Variants in KHSRP observed in about 807,000 individuals in gnomAD.
KHSRP encodes the protein KH-type splicing regulatory protein, also known as far upstream element-binding protein 2.
Under a neutral mutation model 94.9 loss-of-function variants are expected in KHSRP, and 13 were observed. The ratio of observed to expected loss-of-function variants is 0.14; its 90% confidence interval spans 0.09 to 0.22. The LOEUF is 0.22. Ranked by LOEUF, KHSRP falls within the 10% of genes least tolerant of loss-of-function variation. The pLI, the probability that KHSRP is intolerant of heterozygous loss-of-function variation, is 1.00. For missense variants in KHSRP, 710 were observed against 1,010.0 expected, an observed-to-expected ratio of 0.70 and a Z score of 4.03; for synonymous variants, 495 against 401.4, an observed-to-expected ratio of 1.23 and a Z score of -2.79.
At position 6,415,697 on chromosome 19, in the gene KHSRP, C is replaced by T. The variant is rs751474510; in HGVS notation, c.1725G>A (p.Ala575=). The part of the protein sequence containing the change: ...AAAAAADPNA[A]WAAYYSHYYQ... ...AGTAGTGTGAGTAGTAGGCGGCCCA[C>T]GCGGCGTTGGGGTCCGCGGCCGCTG... The change falls in exon 17 of 19, where the codon GCG becomes GCA. Residue 575 remains alanine, a synonymous_variant. Coordinates refer to ENST00000600480, the MANE Select transcript of KHSRP (RefSeq NM_001366299.1). The T allele has an allele frequency of 1.6e-5, 25 of 1,548,594 alleles. No homozygotes were observed. Among genetic ancestry groups the T allele is most frequent in the Middle Eastern group, 1.7e-4 (1 of 5,810 alleles).
At position 6,414,801 on chromosome 19, in the gene KHSRP, G is replaced by A. The variant is rs567399619; in HGVS notation, c.*223C>T. The A allele has an allele frequency of 1.2e-4, 142 of 1,165,616 alleles. No homozygotes were observed. The Admixed American group carries it at 3.3e-3, about 27-fold the overall frequency. The allele number at this position is 1,165,616 out of a possible 1,614,324, so 72.2% of individuals were successfully genotyped here. A position where few individuals can be genotyped will look rare whatever the true frequency, so the allele number is the denominator to read the frequency against. ...TGAGCGAGGTGGTGGCGGCCGGGCC[G>A]GTGCCCACCGTCCGCGCTGTCTGCC... On this transcript the variant is annotated 3_prime_UTR_variant, in exon 19 of 19. Coordinates refer to ENST00000600480, the MANE Select transcript of KHSRP (RefSeq NM_001366299.1).
chr19:6,421,814 C>T, intron 2 of KHSRP, 126 bp from the exon 3 acceptor site: 1 of 1,045,808 alleles, frequency 9.6e-7, no homozygotes, highest in Non-Finnish European at 1.4e-6. Context: ...GGAGCTGAGA[C>T]AGGAGCCCAG....
rs745602294 is a variant in KHSRP at position 6,415,212 on chromosome 19, CCTG to C, written c.2053_2055del (p.Gln685del). The C allele has an allele frequency of 6.2e-7, 1 of 1,612,366 alleles. No homozygotes were observed. Among genetic ancestry groups the C allele is most frequent in the Non-Finnish European group, 8.5e-7 (1 of 1,179,822 alleles). On this transcript the variant is annotated inframe_deletion, in exon 19 of 19. Coordinates refer to ENST00000600480, the MANE Select transcript of KHSRP (RefSeq NM_001366299.1). ...CCTGGGGTCTGTCCGTAGTAAGCGG[CCTG>C]CTGTCTGTAATATTCCGCCCAGGCG...
At position 6,420,407 on chromosome 19, in the gene KHSRP, GTGA is replaced by G; in HGVS notation, c.475+12_475+14del. ...GGAAGAGTGGGCCTCCCCACCCAAG[GTGA>G]CCCACACTCACTCAGGCCCACCATG... is the stretch of plus-strand genomic sequence containing the variant. On this transcript the variant is annotated intron_variant, in intron 5 of 18. Coordinates refer to ENST00000600480, the MANE Select transcript of KHSRP (RefSeq NM_001366299.1). The G allele has an allele frequency of 6.2e-7, 1 of 1,613,408 alleles. No individual in the cohort carries two copies. Among genetic ancestry groups the G allele is most frequent in the Non-Finnish European group, 8.5e-7 (1 of 1,179,508 alleles).
intron 15 of KHSRP, among the ~76,000 whole-genome samples, 200 bp downstream of exon 15, chr19:6,416,098 A>G (rs1406700402): frequency 6.6e-6 from 1 of 152,214 alleles, no homozygotes; most frequent in Non-Finnish European, 1.5e-5. Context: ...AAGCCGCGAA[A>G]CTTGCACGTG....
At position 6,414,313 on chromosome 19, in the gene KHSRP, A is replaced by G; in HGVS notation, c.*711T>C. 6.4e-6 allele frequency: 9 copies of G among 1,398,396 alleles called. No individual in the cohort carries two copies. Among genetic ancestry groups the G allele is most frequent in the Non-Finnish European group, 8.4e-6 (9 of 1,070,058 alleles). The allele number at this position is 1,398,396 out of a possible 1,614,324, so 86.6% of individuals were successfully genotyped here. A position where few individuals can be genotyped will look rare whatever the true frequency, so the allele number is the denominator to read the frequency against. On this transcript the variant is annotated 3_prime_UTR_variant, in exon 19 of 19. Transcript: ENST00000600480. The stretch of plus-strand genomic sequence containing the variant: ...GGTGCTCGCGGGACTCGCTGAAGTC[A>G]CGCTGCTCCCTGATGGAGAAGGAGG...
At chr19:6,420,244 G>T in intron 5 of KHSRP, 100 bp from the exon 6 acceptor site, 1 of 1,201,730 alleles carries the variant, frequency 8.3e-7, no homozygotes, top group Non-Finnish European at 1.2e-6. Flanking sequence ...CTGACGTTCA[G>T]GAGGGCAGCA....
intron 1 of KHSRP, 34 bp downstream of exon 1, chr19:6,424,419 G>A (rs1416645173): frequency 5.1e-6 from 5 of 976,310 alleles, no homozygotes; most frequent in Non-Finnish European, 6.1e-6. Flanking sequence ...GCGCGCGCGC[G>A]CGAGCGCGCC....
intron 3 of KHSRP, 46 bp from the exon 4 acceptor site, chr19:6,421,363 G>C: frequency 2.6e-6 from 4 of 1,560,064 alleles, no homozygotes; most frequent in Non-Finnish European, 3.5e-6. Flanking sequence ...GCTCCTCCTC[G>C]GGCACTTGGC....
intron 2 of KHSRP, 135 bp downstream of exon 2, chr19:6,422,202 TAAC>T: frequency 1.6e-6 from 1 of 609,756 alleles, no homozygotes; most frequent in Non-Finnish European, 2.9e-6. Flanking sequence ...CAAGAAGAAT[TAAC>T]AAGGCCGGGA....
At chr19:6,421,343 G>A (rs2092193886) in intron 3 of KHSRP, 26 bp from the exon 4 acceptor site, 5 of 1,577,906 alleles carry the variant, frequency 3.2e-6, no homozygotes, top group Admixed American at 1.9e-5. Flanking sequence ...CCAAAGCAAA[G>A]ACTGGCTTAG....
chr19:6,420,998 C>A, intron 4 of KHSRP: 1 of 487,868 alleles, frequency 2.0e-6, no homozygotes, highest in Non-Finnish European at 3.7e-6. Context: ...ATTTGTGCTG[C>A]TCAGAGTCCC....
intron 1 of KHSRP, chr19:6,424,036 G>A (rs574244323): frequency 5.9e-5 from 9 of 152,498 alleles, no homozygotes; most frequent in Non-Finnish European, 1.0e-4. Flanking sequence ...CTTTCTCCTA[G>A]AGAGGGGACA....
rs1319084631 is a variant in KHSRP at position 6,413,410 on chromosome 19, A to C, written c.*1614T>G. 2.4e-6 allele frequency: 1 copy of C among 415,388 alleles called. No individual in the cohort carries two copies. The highest frequency in any genetic ancestry group is 4.7e-6 in the Non-Finnish European group (1 of 211,544). The allele number at this position is 415,388 out of a possible 1,614,324, so 25.7% of individuals were successfully genotyped here. A position where few individuals can be genotyped will look rare whatever the true frequency, so the allele number is the denominator to read the frequency against. On this transcript the variant is annotated 3_prime_UTR_variant, in exon 19 of 19. Transcript: ENST00000600480. ...AGCGATAAAAAGTAAAAACTGCCAT[A>C]CAATTTTTTTTGTTGTTCTCATTTT...
Position 6,418,185 on chromosome 19 carries a change from G to A in KHSRP, c.880-106C>T, listed in dbSNP as rs2092167047. 4 of 945,462 alleles carry A rather than the reference G, an allele frequency of 4.2e-6. No individual in the cohort carries two copies. In the Admixed American group the frequency reaches 6.0e-5, roughly 14 times the overall value. The allele number at this position is 945,462 out of a possible 1,614,324, so 58.6% of individuals were successfully genotyped here. A position where few individuals can be genotyped will look rare whatever the true frequency, so the allele number is the denominator to read the frequency against. On this transcript the variant is annotated intron_variant, in intron 9 of 18. Coordinates refer to ENST00000600480, the MANE Select transcript of KHSRP (RefSeq NM_001366299.1). The surrounding 1 kb of genome is among the most constrained non-coding windows in gnomAD (Gnocchi z 4.3). ...AACTAAGGACCCACGAACCCTGGGT[G>A]AGCCCAGCACAGCACCCTACTGAGC...
At chr19:6,419,342 A>G in intron 6 of KHSRP, 82 bp from the exon 7 acceptor site, 1 of 1,308,786 alleles carries the variant, frequency 7.6e-7, no homozygotes, top group Non-Finnish European at 1.1e-6. Flanking sequence ...AAACTTTCAG[A>G]ACAACCAAGG....
At chr19:6,420,252 G>T in intron 5 of KHSRP, 108 bp from the exon 6 acceptor site, 1 of 1,167,886 alleles carries the variant, frequency 8.6e-7, no homozygotes, top group Non-Finnish European at 1.3e-6. Flanking sequence ...CAGGAGGGCA[G>T]CAGTCCTCTA....
At chr19:6,419,314 C>T (rs1398136378) in intron 6 of KHSRP, 54 bp from the exon 7 acceptor site, 9 of 1,494,724 alleles carry the variant, frequency 6.0e-6, no homozygotes, top group Non-Finnish European at 8.1e-6. Context: ...CAGAGAAAGG[C>T]CTGCCTTGGA....
At position 6,414,139 on chromosome 19, in the gene KHSRP, T is replaced by C. The variant is rs560194408; in HGVS notation, c.*885A>G. ...ATTGAGCCTGCGGAGAGGGAAGAGA[T>C]AGGAATTGGTCACTACGGGGAGGGA... On this transcript the variant is annotated 3_prime_UTR_variant, in exon 19 of 19. Transcript: ENST00000600480. 2.1e-5 allele frequency: 34 copies of C among 1,598,854 alleles called. No homozygotes were observed. In the East Asian group the frequency reaches 7.0e-4, roughly 33 times the overall value.
Sources: allele counts gnomAD v4.1 joint callset (sites outside exome capture counted in the v4.1 genomes callset), GRCh38; gene constraint gnomAD v4.1.1; non-coding constraint Gnocchi (gnomAD v3.1); transcripts MANE v1.5; gene names NCBI Gene and HGNC (gene_info 2026-07-23, HGNC 2026-07-21).